TSHR: variants seen among roughly 807,000 people sequenced by gnomAD.
TSHR encodes thyroid stimulating hormone receptor.
TSHR carries 51 observed loss-of-function variants against 64.1 expected under a neutral mutation model. The ratio of observed to expected loss-of-function variants is 0.80; its 90% CI spans 0.64 to 1.01. TSHR has a LOEUF of 1.01. Among genes scored for constraint, TSHR ranks in the 50% least tolerant of loss-of-function variants. TSHR has a pLI of 0.00. For synonymous variants in TSHR, 361 were observed against 361.9 expected (o/e 1.00, Z 0.03); for missense variants, 877 against 942.8 (o/e 0.93, Z 0.91).
At chr14:80,971,209 C>A (rs1039226410) in intron 1 of TSHR, among the ~76,000 whole-genome samples, 10 of 152,246 alleles carry the variant, frequency 6.6e-5, no homozygotes, top group African/African-American at 2.4e-4. Context: ...TCTGCTGCCC[C>A]CAACCTTCAG....
intron 1 of TSHR, among the ~76,000 whole-genome samples, chr14:81,034,181 G>C (rs1047616837): frequency 6.6e-6 from 1 of 152,250 alleles, no homozygotes; most frequent in East Asian, 1.9e-4. Flanking sequence ...TATGGGTCAT[G>C]CTCTAGCCTT....
intron 1 of TSHR, among the ~76,000 whole-genome samples, chr14:80,981,611 G>A (rs1220162675): frequency 6.6e-6 from 1 of 152,144 alleles, no homozygotes; most frequent in African/African-American, 2.4e-5. Context: ...TCCTTTCTAG[G>A]TTCCTGTAGA....
intron 8 of TSHR, among the ~76,000 whole-genome samples, chr14:81,126,266 A>G (rs976993539): frequency 3.9e-5 from 6 of 152,358 alleles, no homozygotes; most frequent in African/African-American, 1.2e-4. Flanking sequence ...GTTAGTGCAA[A>G]GATCCTCAAA....
At chr14:80,969,663 T>A (rs554548731) in intron 1 of TSHR, among the ~76,000 whole-genome samples, 2 of 152,206 alleles carry the variant, frequency 1.3e-5, no homozygotes, top group Admixed American at 6.5e-5. Flanking sequence ...CCTGTCACCA[T>A]GACCACTTCA....
At chr14:81,076,702 C>T (rs1887529584) in intron 3 of TSHR, among the ~76,000 whole-genome samples, 1 of 152,130 alleles carries the variant, frequency 6.6e-6, no homozygotes, top group African/African-American at 2.4e-5. Flanking sequence ...AAAATGTATC[C>T]TCTTCCTCTC....
intron 1 of TSHR, among the ~76,000 whole-genome samples, chr14:81,044,525 G>T (rs1043696859): frequency 6.6e-6 from 1 of 152,046 alleles, no homozygotes; most frequent in Non-Finnish European, 1.5e-5. Flanking sequence ...AGGTGTGGTG[G>T]CATGTGCCTG....
Position 81,103,509 on chromosome 14 carries a change from G to C in TSHR, c.615-4866G>C, listed in dbSNP as rs1029426126. 2 of 985,302 alleles carry C rather than the reference G, an allele frequency of 2.0e-6. No homozygotes were observed. The highest frequency in any genetic ancestry group is 2.4e-6 in the Non-Finnish European group (2 of 829,942). The allele number at this position is 985,302 out of a possible 1,614,324, so 61.0% of individuals were successfully genotyped here. On this transcript the variant is annotated intron_variant, in intron 7 of 9. Transcript: ENST00000298171. The surrounding 1 kb of genome is among the most constrained non-coding windows in gnomAD (Gnocchi z 4.1). ...AACTGAATAATACAATTACAGCCAA[G>C]CTGGACAAATTCCACATCGAGTGCA...
chr14:81,108,697 C>A (rs763555316), intron 8 of TSHR: 21 of 1,613,576 alleles, frequency 1.3e-5, no homozygotes, highest in Non-Finnish European at 1.4e-5. Flanking sequence ...GCTAAGGCAG[C>A]CACCTTGGTG....
At chr14:81,119,208 C>T (rs1309333468) in intron 8 of TSHR, among the ~76,000 whole-genome samples, 1 of 145,502 alleles carries the variant, frequency 6.9e-6, no homozygotes, top group Non-Finnish European at 1.5e-5. Flanking sequence ...AGCTTCTGCA[C>T]AGCAAAAGAA....
At chr14:81,048,098 A>C (rs533320722) in intron 1 of TSHR, among the ~76,000 whole-genome samples, 1 of 152,132 alleles carries the variant, frequency 6.6e-6, no homozygotes, top group Admixed American at 6.6e-5. Context: ...CTTTCTCTTC[A>C]TAACAATAAA....
At chr14:81,019,457 C>CTTTTTTTTTT (rs1166193901) in intron 1 of TSHR, among the ~76,000 whole-genome samples, 15 of 118,388 alleles carry the variant, frequency 1.3e-4, no homozygotes, top group Non-Finnish European at 1.6e-4. Flanking sequence ...ATCATCAATT[C>CTTTTTTTTTT]TTTTTTTTTT....
At chr14:80,974,371 A>AAAGTC (rs1887758180) in intron 1 of TSHR, among the ~76,000 whole-genome samples, 1 of 152,248 alleles carries the variant, frequency 6.6e-6, no homozygotes, top group South Asian at 2.1e-4. Flanking sequence ...AAAGGGACTG[A>AAAGTC]AAGTCTAACT....
At chr14:81,073,035 T>A (rs867847712) in intron 3 of TSHR, among the ~76,000 whole-genome samples, 75 of 115,818 alleles carry the variant, frequency 6.5e-4, no homozygotes, top group African/African-American at 2.7e-3. Context: ...TATATATATA[T>A]ATATATATAT....
intron 1 of TSHR, among the ~76,000 whole-genome samples, chr14:80,969,974 C>T (rs548831517): frequency 1.3e-4 from 20 of 152,330 alleles, no homozygotes; most frequent in African/African-American, 4.8e-4. Flanking sequence ...TTTCTCCCTT[C>T]ATACAAAAAG....
intron 1 of TSHR, chr14:81,013,895 T>C (rs1398094335): frequency 6.6e-6 from 1 of 152,208 alleles, no homozygotes; most frequent in Non-Finnish European, 1.5e-5. Context: ...GAAAGGATTT[T>C]GATGAGTTAA....
At chr14:81,022,322 T>C (rs944281667) in intron 1 of TSHR, among the ~76,000 whole-genome samples, 1 of 152,106 alleles carries the variant, frequency 6.6e-6, no homozygotes, top group African/African-American at 2.4e-5. Flanking sequence ...ACTGTGGGCA[T>C]GATAATTGTA....
At chr14:80,983,209 T>G in intron 1 of TSHR, 1 of 1,233,918 alleles carries the variant, frequency 8.1e-7, no homozygotes, top group Non-Finnish European at 1.1e-6. Context: ...GAATTACATG[T>G]TAAGCATATG....
At chr14:81,072,622 T>C (rs998767785) in intron 3 of TSHR, among the ~76,000 whole-genome samples, 3 of 152,218 alleles carry the variant, frequency 2.0e-5, no homozygotes, top group Admixed American at 2.0e-4. Flanking sequence ...TTACATTAAC[T>C]GCATTAAATG....
intron 8 of TSHR, among the ~76,000 whole-genome samples, chr14:81,109,857 A>G (rs1231752762): frequency 6.6e-6 from 1 of 152,218 alleles, no homozygotes; most frequent in Non-Finnish European, 1.5e-5. Flanking sequence ...TTTTCTTTTT[A>G]CAAGAAGACA....
Sources: gnomAD v4.1 joint callset for allele counts (sites outside exome capture counted in the v4.1 genomes callset) on GRCh38, gnomAD v4.1.1 for gene constraint, Gnocchi (gnomAD v3.1) non-coding constraint, MANE v1.5 for transcripts, NCBI Gene and HGNC (gene_info 2026-07-23, HGNC 2026-07-21) for gene names.